Variants in TRHDE observed in about 807,000 individuals in gnomAD.
The protein encoded by TRHDE is thyrotropin-releasing hormone-degrading ectoenzyme.
Under a neutral mutation model 125.7 loss-of-function variants are expected in TRHDE, and 72 were observed. The observed-to-expected ratio is 0.57, with a 90% CI of 0.47 to 0.70. The LOEUF (loss-of-function observed/expected upper bound fraction) is 0.70. Ranked by LOEUF, TRHDE falls within the 30% of genes least tolerant of loss-of-function variation. The pLI is 0.00. For synonymous variants in TRHDE, 509 were observed against 509.1 expected (o/e 1.00, Z 0.00); for missense variants, 1,110 against 1,327.1 (o/e 0.84, Z 2.54).
At chr12:72,609,733 G>A (rs888441177) in intron 12 of TRHDE, among the ~76,000 whole-genome samples, 1 of 152,164 alleles carries the variant, frequency 6.6e-6, no homozygotes, top group Non-Finnish European at 1.5e-5. Context: ...TGGTTTGAGT[G>A]ATGTTTTTAC....
At chr12:72,507,502 G>A (rs1052166856) in intron 6 of TRHDE, among the ~76,000 whole-genome samples, 9 of 152,256 alleles carry the variant, frequency 5.9e-5, no homozygotes, top group Non-Finnish European at 1.2e-4. Flanking sequence ...GGTATCTGGC[G>A]GAAGAAATTT....
chr12:72,543,270 T>G (rs1869242982), intron 7 of TRHDE, among the ~76,000 whole-genome samples: 1 of 151,542 alleles, frequency 6.6e-6, no homozygotes. Flanking sequence ...AGGCAAGAGT[T>G]AACTATGTTA....
chr12:72,430,426 T>G (rs1220071949), intron 3 of TRHDE, among the ~76,000 whole-genome samples: 1 of 146,864 alleles, frequency 6.8e-6, no homozygotes, highest in Non-Finnish European at 1.5e-5. Context: ...TATATATACA[T>G]GTATATATAT....
chr12:72,090,546 T>A, intron 1 of TRHDE, among the ~76,000 whole-genome samples: 1 of 152,180 alleles, frequency 6.6e-6, no homozygotes, highest in East Asian at 1.9e-4. Context: ...TGGAGCATGT[T>A]TTTATGCCTT....
intron 2 of TRHDE, among the ~76,000 whole-genome samples, chr12:72,293,385 A>G (rs1565686797): frequency 6.6e-6 from 1 of 152,180 alleles, no homozygotes; most frequent in Non-Finnish European, 1.5e-5. Context: ...GAAATGTATT[A>G]GAAAGTGATC....
At chr12:72,576,134 C>A (rs1174127821) in intron 12 of TRHDE, among the ~76,000 whole-genome samples, 1 of 152,052 alleles carries the variant, frequency 6.6e-6, no homozygotes, top group African/African-American at 2.4e-5. Flanking sequence ...TGCTCATAAA[C>A]TGAAGCTATT....
intron 2 of TRHDE, among the ~76,000 whole-genome samples, chr12:72,146,727 C>T (rs1280429095): frequency 6.6e-6 from 1 of 152,216 alleles, no homozygotes; most frequent in East Asian, 1.9e-4. Flanking sequence ...TTGCCGTCCG[C>T]AGACGGCTTC....
intron 2 of TRHDE, among the ~76,000 whole-genome samples, chr12:72,346,607 G>A (rs1006958753): frequency 6.6e-6 from 1 of 152,064 alleles, no homozygotes. Context: ...TACTGTGCTA[G>A]CATGTGCTGC....
At chr12:72,504,512 C>T (rs893419633) in intron 6 of TRHDE, among the ~76,000 whole-genome samples, 1 of 152,072 alleles carries the variant, frequency 6.6e-6, no homozygotes, top group Admixed American at 6.5e-5. Context: ...CCATATTGGC[C>T]AGGCTGGTCT....
Position 72,517,193 on chromosome 12 carries a change from T to G in TRHDE, c.1722+17558T>G, listed in dbSNP as rs879584709. On this transcript the variant is annotated intron_variant, in intron 6 of 18. Transcript: ENST00000261180. Reference sequence around the variant, plus strand: ...TAGGGAGGATTCCCTCTTTTTCTATTGATTGGAATAGTTTCAGAAGGAATG... The same window carrying G: ...TAGGGAGGATTCCCTCTTTTTCTATGGATTGGAATAGTTTCAGAAGGAATG... Among the ~76,000 whole-genome samples the G allele has an allele frequency of 8.9e-3, 1,344 of 151,584 alleles. 8 individuals carry two copies. Among genetic ancestry groups the G allele is most frequent in the Non-Finnish European group, 0.014 (981 of 67,764 alleles).
intron 1 of TRHDE, among the ~76,000 whole-genome samples, chr12:72,096,618 C>T (rs1477110441): frequency 6.6e-6 from 1 of 152,206 alleles, no homozygotes; most frequent in African/African-American, 2.4e-5. Flanking sequence ...TCCAGTCCTC[C>T]ATCTTGCTTC....
At chr12:72,188,670 G>T (rs1351475013) in intron 2 of TRHDE, among the ~76,000 whole-genome samples, 1 of 152,118 alleles carries the variant, frequency 6.6e-6, no homozygotes, top group Admixed American at 6.6e-5. Context: ...GCCTAGTGTT[G>T]CCACATCATC....
At chr12:72,630,836 T>C (rs1478753443) in intron 15 of TRHDE, among the ~76,000 whole-genome samples, 2 of 149,196 alleles carry the variant, frequency 1.3e-5, no homozygotes, top group Admixed American at 6.7e-5. Context: ...ATGGGAGTGA[T>C]CCATTCAATG....
At chr12:72,389,564 C>T (rs1252266423) in intron 3 of TRHDE, among the ~76,000 whole-genome samples, 4 of 152,192 alleles carry the variant, frequency 2.6e-5, no homozygotes, top group South Asian at 4.1e-4. Context: ...GGCTCTTTTC[C>T]TGGCTTGCAG....
chr12:72,297,656 A>G (rs928553029), intron 2 of TRHDE, among the ~76,000 whole-genome samples: 1 of 152,128 alleles, frequency 6.6e-6, no homozygotes, highest in Non-Finnish European at 1.5e-5. Flanking sequence ...GAAAGAAGAG[A>G]GTTGTTTTCA....
intron 3 of TRHDE, among the ~76,000 whole-genome samples, chr12:72,394,025 G>T (rs549437122): frequency 6.6e-6 from 1 of 152,038 alleles, no homozygotes; most frequent in Non-Finnish European, 1.5e-5. Context: ...ACAAACATAG[G>T]TATATATTAC....
At chr12:72,646,215 G>A (rs1415067852) in intron 15 of TRHDE, among the ~76,000 whole-genome samples, 1 of 152,034 alleles carries the variant, frequency 6.6e-6, no homozygotes, top group Non-Finnish European at 1.5e-5. Flanking sequence ...AACAATAACA[G>A]TGTGAGGACA....
intron 2 of TRHDE, among the ~76,000 whole-genome samples, chr12:72,156,197 G>A (rs1358939557): frequency 1.3e-5 from 2 of 152,230 alleles, no homozygotes; most frequent in African/African-American, 4.8e-5. Context: ...TCTGAGCTAG[G>A]CATGGGATAC....
In TRHDE at chr12:72,356,294, A is replaced by T. The variant is rs111945769; in HGVS notation, c.1189-21701A>T. 3.8e-3 allele frequency among the ~76,000 whole-genome samples: 582 copies of T among 151,824 alleles called. 3 individuals are homozygous for T. The highest frequency in any genetic ancestry group is 0.013 in the African/African-American group (526 of 41,490). ...TAGCAAACTAATGCAGGAACACAAA[A>T]CCAAATACCACATCTTCTCACTTAT... On this transcript the variant is annotated intron_variant, in intron 2 of 18. Transcript: ENST00000261180.
Sources: allele counts gnomAD v4.1 joint callset (sites outside exome capture counted in the v4.1 genomes callset), GRCh38; gene constraint gnomAD v4.1.1; transcripts MANE v1.5; gene names NCBI Gene and HGNC (gene_info 2026-07-23, HGNC 2026-07-21).